The following ARHGEF7 variants were observed in gnomAD, a reference collection of about 807,000 sequenced individuals.
The protein encoded by ARHGEF7 is Rho guanine nucleotide exchange factor 7, also known as PAK-interacting exchange factor beta.
ARHGEF7 carries 33 observed loss-of-function variants against 109.8 expected under a neutral mutation model. The observed-to-expected ratio is 0.30, with a 90% CI of 0.23 to 0.40. ARHGEF7 has a LOEUF of 0.40. Ranked by LOEUF, ARHGEF7 falls within the 10% of genes least tolerant of loss-of-function variation. ARHGEF7 has a pLI of 1.00. For synonymous variants in ARHGEF7, 458 were observed against 424.6 expected, an observed-to-expected ratio of 1.08 and a Z score of -0.97; for missense variants, 938 against 1,098.5, an observed-to-expected ratio of 0.85 and a Z score of 2.07.
chr13:111,208,484 T>G (rs539129702), intron 3 of ARHGEF7, among the ~76,000 whole-genome samples: 129 of 152,332 alleles, frequency 8.5e-4, no homozygotes, highest in African/African-American at 3.0e-3. Context: ...TCAAGGCATT[T>G]AGTTGACTGT....
chr13:111,229,151 G>A (rs183589358), intron 5 of ARHGEF7, among the ~76,000 whole-genome samples: 130 of 152,170 alleles, frequency 8.5e-4, no homozygotes, highest in African/African-American at 3.0e-3. Context: ...GGTTTTGCTC[G>A]GGGCTGGCTG....
intron 2 of ARHGEF7, among the ~76,000 whole-genome samples, chr13:111,189,071 C>T (rs1313267908): frequency 1.3e-5 from 2 of 152,234 alleles, no homozygotes; most frequent in African/African-American, 4.8e-5. Context: ...GATAGAACAG[C>T]TCCATTTTGA....
intron 8 of ARHGEF7, chr13:111,265,855 G>T (rs1185522915): frequency 2.4e-6 from 1 of 410,456 alleles, no homozygotes; most frequent in East Asian, 7.1e-5. Context: ...CTTGATCTTA[G>T]GCTTCCAACC....
intron 2 of ARHGEF7, among the ~76,000 whole-genome samples, chr13:111,188,246 A>G (rs2079474969): frequency 6.6e-6 from 1 of 152,154 alleles, no homozygotes; most frequent in African/African-American, 2.4e-5. Context: ...GGCTGCCAGA[A>G]TCCCACAGCT....
intron 2 of ARHGEF7, among the ~76,000 whole-genome samples, chr13:111,197,768 T>C (rs1236683011): frequency 6.6e-6 from 1 of 152,146 alleles, no homozygotes; most frequent in Non-Finnish European, 1.5e-5. Flanking sequence ...GCAAAAATTA[T>C]GTCTTTCTGA....
intron 1 of ARHGEF7, among the ~76,000 whole-genome samples, chr13:111,118,955 C>G (rs900283108): frequency 6.6e-6 from 1 of 152,202 alleles, no homozygotes; most frequent in South Asian, 2.1e-4. Flanking sequence ...AAATCAGACG[C>G]TGCCTCGGGT....
At position 111,292,232 on chromosome 13, in the gene ARHGEF7, C is replaced by G. The variant is rs781474251; in HGVS notation, c.2249C>G (p.Ser750Trp). Reference protein sequence around the residue: ...SLSRLEPSDLSEDSDYDSIWT... With the variant: ...SLSRLEPSDLWEDSDYDSIWT... ...TCTCGTTTGGAGCCTTCAGACCTCT[C>G]GGAAGACTCTGACTATGACAGTATA... Residue 750 changes from serine (S) to tryptophan (W), a missense_variant, in exon 19 of 22, where the codon TCG (serine) becomes TGG (tryptophan). Physicochemically the swap from Ser to Trp is radical, Grantham distance 177 (BLOSUM62 -3). Transcript: ENST00000646102. 9.3e-6 allele frequency: 15 copies of G among 1,614,086 alleles called. No homozygotes were observed. The highest frequency in any genetic ancestry group is 1.3e-5 in the African/African-American group (1 of 74,926).
intron 19 of ARHGEF7, chr13:111,294,532 T>C: frequency 1.0e-6 from 1 of 985,510 alleles, no homozygotes; most frequent in Non-Finnish European, 1.2e-6. Flanking sequence ...ATGATGCTTT[T>C]TCTTGATGCT....
rs751417139 is a variant in ARHGEF7 at position 111,267,689 on chromosome 13, T to G, written c.1073+19T>G. Reference sequence around the variant, plus strand: ...AACACAGGTGCGCTTGCTAGGCACCTTGGCAACAGGGAGGGTGGATGGCTC... The same window carrying G: ...AACACAGGTGCGCTTGCTAGGCACCGTGGCAACAGGGAGGGTGGATGGCTC... On this transcript the variant is annotated intron_variant, in intron 9 of 21. Transcript: ENST00000646102. 8 of 1,612,734 alleles carry G rather than the reference T, an allele frequency of 5.0e-6. No homozygotes were observed. In the East Asian group the frequency reaches 1.6e-4, roughly 31 times the overall value.
rs1567038450 is a variant in ARHGEF7 at position 111,273,970 on chromosome 13, TCTTA to T, written c.1212+22_1212+25del. The stretch of plus-strand genomic sequence containing the variant: ...ACATGGAGGTACTGCGCTTTCATTC[TCTTA>T]CTTGGAGTCCTTACCAAGGGTTAGT... On this transcript the variant is annotated intron_variant, in intron 10 of 21. Coordinates refer to ENST00000646102, the MANE Select transcript of ARHGEF7 (RefSeq NM_001354046.2). The surrounding 1 kb of genome is among the most constrained non-coding windows in gnomAD (Gnocchi z 4.5). The T allele has an allele frequency of 6.2e-7, 1 of 1,613,208 alleles. No homozygotes were observed. Among genetic ancestry groups the T allele is most frequent in the East Asian group, 2.2e-5 (1 of 44,836 alleles).
intron 2 of ARHGEF7, among the ~76,000 whole-genome samples, chr13:111,192,616 T>C (rs2080023790): frequency 6.6e-6 from 1 of 152,178 alleles, no homozygotes; most frequent in Non-Finnish European, 1.5e-5. Context: ...TGTGTTAGTT[T>C]CCTTTAGTGC....
intron 1 of ARHGEF7, among the ~76,000 whole-genome samples, chr13:111,136,204 T>C (rs912909302): frequency 1.1e-4 from 16 of 152,280 alleles, no homozygotes; most frequent in African/African-American, 3.9e-4. Context: ...TTGCCAGTAT[T>C]TTATTGAGGA....
In ARHGEF7 at chr13:111,145,589, T is replaced by C. The variant is rs1269838258; in HGVS notation, c.166-8316T>C. On this transcript the variant is annotated intron_variant, in intron 1 of 21. Coordinates refer to ENST00000646102, the MANE Select transcript of ARHGEF7 (RefSeq NM_001354046.2). This position sits in a 1 kb window ranked among gnomAD's most constrained non-coding sequence, Gnocchi z 4.3. ...GGCCCTGGCGTGTACCGTTTGCTGA[T>C]TTCTGTGCCGTAGGTACTTACACCA... 6.6e-6 allele frequency among the ~76,000 whole-genome samples: 1 copy of C among 152,122 alleles called. No homozygotes were observed. Among genetic ancestry groups the C allele is most frequent in the Non-Finnish European group, 1.5e-5 (1 of 68,026 alleles).
intron 2 of ARHGEF7, among the ~76,000 whole-genome samples, chr13:111,178,995 G>T (rs2078452094): frequency 6.6e-6 from 1 of 151,452 alleles, no homozygotes; most frequent in African/African-American, 2.4e-5. Context: ...AACTTTAAAA[G>T]TAACAAAGGT....
In ARHGEF7 at chr13:111,153,961, G is replaced by T. The variant is rs1457567165; in HGVS notation, c.222G>T (p.Leu74=). The part of the protein sequence containing the change: ...SECLSNIREF[L]RGCGASLRLE... The stretch of plus-strand genomic sequence containing the variant: ...GCCTGAGCAACATCCGCGAGTTCCT[G>T]CGCGGCTGCGGGGCTTCCCTGCGGC... Residue 74 remains leucine, a synonymous_variant, in exon 2 of 22, where the codon CTG becomes CTT. Coordinates refer to ENST00000646102, the MANE Select transcript of ARHGEF7 (RefSeq NM_001354046.2). The T allele has an allele frequency of 1.2e-6, 2 of 1,604,278 alleles. No homozygotes were observed. Among genetic ancestry groups the T allele is most frequent in the Admixed American group, 1.7e-5 (1 of 59,652 alleles).
At chr13:111,217,358 A>G (rs1045769119) in intron 4 of ARHGEF7, among the ~76,000 whole-genome samples, 3 of 152,256 alleles carry the variant, frequency 2.0e-5, no homozygotes, top group Admixed American at 2.0e-4. Flanking sequence ...ACTGCCAGAT[A>G]AATGACATGT....
intron 8 of ARHGEF7, among the ~76,000 whole-genome samples, chr13:111,251,992 C>T (rs1285354938): frequency 1.3e-5 from 2 of 152,200 alleles, no homozygotes; most frequent in East Asian, 3.9e-4. Flanking sequence ...TCTGTGGTTG[C>T]CACTGTAGTT....
intron 2 of ARHGEF7, among the ~76,000 whole-genome samples, chr13:111,157,684 T>G (rs1379629522): frequency 6.6e-6 from 1 of 152,186 alleles, no homozygotes; most frequent in Non-Finnish European, 1.5e-5. Context: ...TTTTCTTAGG[T>G]AAACAGCTAC....
intron 1 of ARHGEF7, among the ~76,000 whole-genome samples, chr13:111,119,872 C>T (rs35337719): frequency 0.081 from 12,343 of 152,164 alleles, 617 homozygotes; most frequent in Non-Finnish European, 0.11. Flanking sequence ...CTAAAAAGAA[C>T]GTGATGAGTG....
Sources: gnomAD v4.1 joint callset for allele counts (sites outside exome capture counted in the v4.1 genomes callset) on GRCh38, gnomAD v4.1.1 for gene constraint, Gnocchi (gnomAD v3.1) non-coding constraint, MANE v1.5 for transcripts, NCBI Gene and HGNC (gene_info 2026-07-23, HGNC 2026-07-21) for gene names.